The following IL20RB variants were observed in gnomAD, a reference collection of about 807,000 sequenced individuals.
IL20RB encodes interleukin 20 receptor subunit beta.
IL20RB carries 21 observed loss-of-function variants against 33.3 expected under a neutral mutation model. The observed-to-expected ratio is 0.63, with a 90% CI of 0.45 to 0.91. IL20RB has a LOEUF of 0.91. Ranked by LOEUF, IL20RB falls within the 40% of genes least tolerant of loss-of-function variation. IL20RB has a pLI of 0.00. For missense variants in IL20RB, 345 were observed against 384.8 expected (o/e 0.90, Z 0.86); for synonymous variants, 147 against 146.8 (o/e 1.00, Z -0.01).
chr3:137,010,183 T>G lies in IL20RB; in HGVS notation c.896T>G (p.Val299Gly). 1.2e-6 allele frequency: 2 copies of G among 1,605,664 alleles called. No homozygotes were observed. The highest frequency in any genetic ancestry group is 1.7e-6 in the Non-Finnish European group (2 of 1,172,330). The change falls in exon 7 of 7, where the codon GTG becomes GGG. Residue 299 changes from valine (V) to glycine (G), a missense_variant. Transcript: ENST00000329582. ...REEVDACATAVMSPEELLRAW... is the reference protein window; with the variant it reads ...REEVDACATAGMSPEELLRAW... ...GAGGTGGATGCCTGTGCCACGGCTG[T>G]GATGTCTCCTGAGGAACTCCTCAGG...
intron 6 of IL20RB, among the ~76,000 whole-genome samples, chr3:136,997,668 GGT>G (rs1942158259): frequency 6.7e-6 from 1 of 149,408 alleles, no homozygotes; most frequent in Middle Eastern, 3.4e-3. Context: ...TTATATTTAA[GGT>G]GTGTCTCTTA....
Position 137,010,287 on chromosome 3 carries a change from A to C in IL20RB, c.*64A>C. 1 of 799,350 alleles carries C rather than the reference A, an allele frequency of 1.3e-6. No individual in the cohort carries two copies. 49.5% of individuals were successfully genotyped at this position (799,350 alleles called of 1,614,324 possible). A position where few individuals can be genotyped will look rare whatever the true frequency, so the allele number is the denominator to read the frequency against. On this transcript the variant is annotated 3_prime_UTR_variant, in exon 7 of 7. Transcript: ENST00000329582. Reference sequence around the variant, plus strand: ...TGCATGACATGGAAACCATGAGGGGACAAGTTGTGTTTCTGTTTTCCGCCA... The same window carrying C: ...TGCATGACATGGAAACCATGAGGGGCCAAGTTGTGTTTCTGTTTTCCGCCA...
intron 6 of IL20RB, among the ~76,000 whole-genome samples, chr3:137,002,589 G>A (rs1347904761): frequency 1.3e-5 from 2 of 151,744 alleles, no homozygotes; most frequent in African/African-American, 4.8e-5. Flanking sequence ...AGAAGTGTCT[G>A]TTCATATCCT....
rs1260700378 is a variant in IL20RB, at chr3:137,010,353, CAA to C, written c.*131_*132del. The C allele has an allele frequency of 1.4e-5, 9 of 632,210 alleles. No homozygotes were observed. Among genetic ancestry groups the C allele is most frequent in the African/African-American group, 3.7e-5 (2 of 54,542 alleles). The allele number at this position is 632,210 out of a possible 1,614,324, so 39.2% of individuals were successfully genotyped here. A position where few individuals can be genotyped will look rare whatever the true frequency, so the allele number is the denominator to read the frequency against. ...AGAAGTAGGAAGAGCCTGTTGTCTA[CAA>C]GTCTAGAAGCAACCATCAGAGGCAG... On this transcript the variant is annotated 3_prime_UTR_variant, in exon 7 of 7. Coordinates refer to ENST00000329582, the MANE Select transcript of IL20RB (RefSeq NM_144717.4).
chr3:136,998,141 T>C (rs1464539132), intron 6 of IL20RB, among the ~76,000 whole-genome samples: 15 of 150,702 alleles, frequency 1.0e-4, no homozygotes, highest in Admixed American at 7.3e-4. Context: ...TTTTTTTTTT[T>C]TTTTTTCCCC....
intron 2 of IL20RB, 102 bp downstream of exon 2, chr3:136,980,694 A>G: frequency 8.3e-7 from 1 of 1,197,686 alleles, no homozygotes; most frequent in Non-Finnish European, 1.2e-6. Context: ...GAGTCCAGGG[A>G]TAGATTATCC....
intron 1 of IL20RB, among the ~76,000 whole-genome samples, chr3:136,963,443 C>T (rs1207573622): frequency 6.6e-6 from 1 of 152,122 alleles, no homozygotes; most frequent in Non-Finnish European, 1.5e-5. Context: ...GTATCCTTGC[C>T]AGCATTTAGT....
In IL20RB at chr3:136,995,670, G is replaced by T. The variant is rs533683434; in HGVS notation, c.825+114G>T. 9.7e-6 allele frequency: 9 copies of T among 931,340 alleles called. No individual in the cohort carries two copies. In the African/African-American group the frequency reaches 1.5e-4, roughly 15 times the overall value. 57.7% of individuals were successfully genotyped at this position (931,340 alleles called of 1,614,324 possible). On this transcript the variant is annotated intron_variant, in intron 6 of 6. Coordinates refer to ENST00000329582, the MANE Select transcript of IL20RB (RefSeq NM_144717.4). ...TTCTATCATGAGATTATAGGCATCT[G>T]CACAGAGAGGGGAGAGGAATACTTA...
Position 136,989,668 on chromosome 3 carries a change from G to A in IL20RB, c.531+103G>A, listed in dbSNP as rs545019608. On this transcript the variant is annotated intron_variant, in intron 4 of 6. Coordinates refer to ENST00000329582, the MANE Select transcript of IL20RB (RefSeq NM_144717.4). ...TGCCCCTGCTCACTGGGTGACCTGGGGATGAGCAGTCCTGGGTGAAGTGTG... is the reference window on the plus strand; with the variant it reads ...TGCCCCTGCTCACTGGGTGACCTGGAGATGAGCAGTCCTGGGTGAAGTGTG... 4.8e-4 allele frequency: 633 copies of A among 1,326,796 alleles called. 1 individual carries two copies. Among genetic ancestry groups the A allele is most frequent in the Admixed American group, 4.6e-4 (25 of 54,634 alleles). The allele number at this position is 1,326,796 out of a possible 1,614,324, so 82.2% of individuals were successfully genotyped here. A position where few individuals can be genotyped will look rare whatever the true frequency, so the allele number is the denominator to read the frequency against.
intron 6 of IL20RB, among the ~76,000 whole-genome samples, chr3:136,997,372 G>T (rs920658884): frequency 2.0e-5 from 3 of 152,154 alleles, no homozygotes; most frequent in Non-Finnish European, 4.4e-5. Flanking sequence ...GATTATAGGC[G>T]TGAGCCACTG....
chr3:136,977,635 C>A (rs1941652601), intron 1 of IL20RB, among the ~76,000 whole-genome samples: 1 of 152,178 alleles, frequency 6.6e-6, no homozygotes, highest in Non-Finnish European at 1.5e-5. Context: ...AAGCGATTCT[C>A]CTGCCTCAGC....
At chr3:136,959,475 T>C (rs986510054) in intron 1 of IL20RB, 1 of 152,254 alleles carries the variant, frequency 6.6e-6, no homozygotes, top group Non-Finnish European at 1.5e-5. Flanking sequence ...CTAAGCATGC[T>C]GGTTGTTTGG....
At chr3:136,962,541 CAGG>C (rs1941250037) in intron 1 of IL20RB, among the ~76,000 whole-genome samples, 1 of 152,096 alleles carries the variant, frequency 6.6e-6, no homozygotes, top group Admixed American at 6.6e-5. Flanking sequence ...ATCACGAGGT[CAGG>C]AGATCGAGAC....
chr3:136,959,380 A>T (rs568602504), intron 1 of IL20RB: 1 of 152,320 alleles, frequency 6.6e-6, no homozygotes, highest in African/African-American at 2.4e-5. Context: ...CTTTAGCTTC[A>T]GGTGGTTACT....
chr3:136,998,940 G>T (rs1942187784), intron 6 of IL20RB, among the ~76,000 whole-genome samples: 1 of 151,916 alleles, frequency 6.6e-6, no homozygotes, highest in Non-Finnish European at 1.5e-5. Context: ...TTTTTCTCTT[G>T]CTGGTTTTAA....
chr3:136,992,913 TGTA>T (rs1352556752), intron 5 of IL20RB, among the ~76,000 whole-genome samples: 66 of 152,334 alleles, frequency 4.3e-4, no homozygotes, highest in African/African-American at 1.6e-3. Flanking sequence ...AGGCACATGC[TGTA>T]GTCCTATAAC....
intron 3 of IL20RB, among the ~76,000 whole-genome samples, chr3:136,987,014 C>T (rs1469086955): frequency 6.6e-6 from 1 of 152,042 alleles, no homozygotes; most frequent in Admixed American, 6.6e-5. Flanking sequence ...TGCAGACCTT[C>T]GCGGTGAGTG....
At chr3:136,982,448 G>A in intron 3 of IL20RB, 98 bp downstream of exon 3, 1 of 919,430 alleles carries the variant, frequency 1.1e-6, no homozygotes, top group Non-Finnish European at 1.6e-6. Context: ...CATCAGAATA[G>A]TCCTGCAAAG....
At chr3:137,004,946 C>T (rs991372400) in intron 6 of IL20RB, among the ~76,000 whole-genome samples, 5 of 152,102 alleles carry the variant, frequency 3.3e-5, no homozygotes, top group African/African-American at 9.7e-5. Context: ...AAATGTGTCC[C>T]GGAGATTCTG....
Sources: allele counts gnomAD v4.1 joint callset (sites outside exome capture counted in the v4.1 genomes callset), GRCh38; gene constraint gnomAD v4.1.1; transcripts MANE v1.5; gene names NCBI Gene and HGNC (gene_info 2026-07-23, HGNC 2026-07-21).